DIS3L2: variants seen among roughly 807,000 people sequenced by gnomAD.
DIS3L2 encodes DIS3-like exonuclease 2.
A neutral mutation model predicts 97.5 loss-of-function variants in DIS3L2; 34 were observed. The ratio of observed to expected loss-of-function variants is 0.35; its 90% CI spans 0.27 to 0.46. The LOEUF is 0.46. Among genes scored for constraint, DIS3L2 ranks in the 20% least tolerant of loss-of-function variants. The pLI is 1.00. For missense variants in DIS3L2, 1,038 were observed against 1,146.0 expected (o/e 0.91, Z 1.36); for synonymous variants, 435 against 445.2 (o/e 0.98, Z 0.29).
In DIS3L2 at chr2:232,334,705, C is replaced by T; in HGVS notation, c.2364C>T (p.Arg788=). ...AAGCCTTCGACGTGCTGGTGCTGCG[C>T]TACGGCGTGCAGAAGCGCATCTACT... is the stretch of plus-strand genomic sequence containing the variant. ...LKQAFDVLVL[R]YGVQKRIYCN... The change falls in exon 19 of 21, where the codon CGC becomes CGT. Residue 788 remains arginine, a synonymous_variant. Coordinates refer to ENST00000325385, the MANE Select transcript of DIS3L2 (RefSeq NM_152383.5). 6.2e-7 allele frequency: 1 copy of T among 1,609,628 alleles called. No individual in the cohort carries two copies. The highest frequency in any genetic ancestry group is 8.5e-7 in the Non-Finnish European group (1 of 1,178,360).
chr2:232,336,437 T>C, intron 20 of DIS3L2, 32 bp from the exon 21 acceptor site: 1 of 1,597,954 alleles, frequency 6.3e-7, no homozygotes, highest in Non-Finnish European at 8.5e-7. Flanking sequence ...GGCCCTGCCA[T>C]CCTTGTCCCC....
Position 232,194,992 on chromosome 2 carries a change from T to C in DIS3L2, c.1125-15334T>C, listed in dbSNP as rs1054986640. Among the ~76,000 whole-genome samples the C allele has an allele frequency of 2.0e-5, 3 of 152,164 alleles. No individual in the cohort carries two copies. In the South Asian group the frequency reaches 6.2e-4, roughly 31 times the overall value. Reference sequence around the variant, plus strand: ...GACCTAGAATCTAAGTATTTAATATTAAAATCAGCCAGGAAGTCATTTTCA... The same window carrying C: ...GACCTAGAATCTAAGTATTTAATATCAAAATCAGCCAGGAAGTCATTTTCA... On this transcript the variant is annotated intron_variant, in intron 9 of 20. Transcript: ENST00000325385.
At position 232,334,005 on chromosome 2, in the gene DIS3L2, G is replaced by A. The variant is rs1266101295; in HGVS notation, c.2158+18G>A. 1 of 1,601,170 alleles carries A rather than the reference G, an allele frequency of 6.2e-7. No homozygotes were observed. The highest frequency in any genetic ancestry group is 8.5e-7 in the Non-Finnish European group (1 of 1,174,438). On this transcript the variant is annotated intron_variant, in intron 17 of 20. Transcript: ENST00000325385. ...CGCGTTAGGTGAGGGGTGCAGTCGG[G>A]GTCAGGGCAGACCTGGGCCAGCTCA...
intron 5 of DIS3L2, among the ~76,000 whole-genome samples, chr2:232,056,080 C>CA (rs1018295174): frequency 2.0e-5 from 3 of 152,060 alleles, no homozygotes; most frequent in African/African-American, 7.2e-5. Context: ...AAACAGGACA[C>CA]AAAAAATAGG....
At chr2:232,008,659 C>T (rs930248920) in intron 1 of DIS3L2, among the ~76,000 whole-genome samples, 3 of 152,098 alleles carry the variant, frequency 2.0e-5, no homozygotes, top group Non-Finnish European at 4.4e-5. Flanking sequence ...TGGGTTATGC[C>T]TTTATAATGG....
At chr2:232,170,367 C>T (rs72990498) in intron 9 of DIS3L2, among the ~76,000 whole-genome samples, 2,714 of 152,192 alleles carry the variant, frequency 0.018, 26 homozygotes, top group Non-Finnish European at 0.022. Flanking sequence ...CTAAACCGAT[C>T]TTTATGTTTC....
In DIS3L2 at chr2:232,193,860, G is replaced by A. The variant is rs557033211; in HGVS notation, c.1125-16466G>A. ...AAGATTCAATTCACGGCGAGGCCCAGCAGTTTGGGAGGCCAAGGCAGGCGG... is the reference window on the plus strand; with the variant it reads ...AAGATTCAATTCACGGCGAGGCCCAACAGTTTGGGAGGCCAAGGCAGGCGG... On this transcript the variant is annotated intron_variant, in intron 9 of 20. Coordinates refer to ENST00000325385, the MANE Select transcript of DIS3L2 (RefSeq NM_152383.5). 3.0e-4 allele frequency among the ~76,000 whole-genome samples: 45 copies of A among 152,314 alleles called. 1 individual carries two copies. The South Asian group carries it at 8.5e-3, about 29-fold the overall frequency.
rs371290403 is a variant in DIS3L2, at chr2:232,053,441, T to C, written c.366+23361T>C. On this transcript the variant is annotated intron_variant, in intron 5 of 20. Coordinates refer to ENST00000325385, the MANE Select transcript of DIS3L2 (RefSeq NM_152383.5). The stretch of plus-strand genomic sequence containing the variant: ...ACACCAACCAGTTCTCCTCAGACTC[T>C]AATTGGGTGTCCTACATTTTAACTC... 2.0e-5 allele frequency among the ~76,000 whole-genome samples: 3 copies of C among 152,310 alleles called. No individual in the cohort carries two copies. In the East Asian group the frequency reaches 5.8e-4, roughly 29 times the overall value.
chr2:232,333,926 C>T lies in DIS3L2; in HGVS notation c.2097C>T (p.Phe699=). The T allele has an allele frequency of 6.2e-7, 1 of 1,612,946 alleles. No individual in the cohort carries two copies. The highest frequency in any genetic ancestry group is 8.5e-7 in the Non-Finnish European group (1 of 1,179,934). The part of the protein sequence containing the change: ...YALNVPLYTH[F]TSPIRRFADV... ...TCAATGTGCCCCTGTACACACACTT[C>T]ACCTCGCCCATCCGCCGCTTTGCCG... is the stretch of plus-strand genomic sequence containing the variant. The change falls in exon 17 of 21, where the codon TTC becomes TTT. Residue 699 remains phenylalanine (F), a synonymous_variant. Transcript: ENST00000325385.
intron 6 of DIS3L2, among the ~76,000 whole-genome samples, chr2:232,098,703 T>G (rs528801671): frequency 6.6e-6 from 1 of 152,198 alleles, no homozygotes; most frequent in Non-Finnish European, 1.5e-5. Context: ...ATTGCTTTTT[T>G]AATATCATTT....
chr2:232,211,168 A>G (rs541848123), intron 10 of DIS3L2, among the ~76,000 whole-genome samples: 9 of 139,364 alleles, frequency 6.5e-5, no homozygotes, highest in Admixed American at 6.0e-4. Flanking sequence ...TCTTCTCAAC[A>G]GAGTCCCACT....
At chr2:231,976,827 G>C (rs1314709950) in intron 1 of DIS3L2, among the ~76,000 whole-genome samples, 1 of 147,702 alleles carries the variant, frequency 6.8e-6, no homozygotes, top group Non-Finnish European at 1.5e-5. Flanking sequence ...GAGTACAGTG[G>C]CGCGATCTTG....
intron 5 of DIS3L2, among the ~76,000 whole-genome samples, chr2:232,038,995 C>T (rs1695032896): frequency 6.6e-6 from 1 of 152,208 alleles, no homozygotes; most frequent in Non-Finnish European, 1.5e-5. Flanking sequence ...TGCTGGCTGC[C>T]TCTGAAGCTT....
intron 6 of DIS3L2, among the ~76,000 whole-genome samples, chr2:232,109,415 TG>T (rs2106330756): frequency 6.6e-6 from 1 of 151,948 alleles, no homozygotes; most frequent in South Asian, 2.1e-4. Context: ...CACTCCAGCC[TG>T]GGCGACAGAG....
At chr2:232,133,988 A>T (rs1368019361) in intron 7 of DIS3L2, among the ~76,000 whole-genome samples, 2 of 10,210 alleles carry the variant, frequency 2.0e-4, no homozygotes, top group African/African-American at 7.9e-4. Flanking sequence ...ACTCTGTCTC[A>T]AAAAAAAAAA....
chr2:232,016,264 C>A (rs1325279768), intron 3 of DIS3L2, among the ~76,000 whole-genome samples: 2 of 152,144 alleles, frequency 1.3e-5, no homozygotes. Flanking sequence ...GTTTATGGAG[C>A]ATCCATTGTG....
chr2:232,256,740 T>C (rs1463585262), intron 12 of DIS3L2, among the ~76,000 whole-genome samples: 2 of 152,132 alleles, frequency 1.3e-5, no homozygotes, highest in African/African-American at 4.8e-5. Flanking sequence ...TGCCGCTACT[T>C]AGGAGGCTGA....
At chr2:232,058,324 A>G (rs1049450863) in intron 5 of DIS3L2, among the ~76,000 whole-genome samples, 1 of 152,204 alleles carries the variant, frequency 6.6e-6, no homozygotes, top group Non-Finnish European at 1.5e-5. Context: ...TGACGGCTCT[A>G]ATTCTGTGCC....
chr2:232,320,157 G>A (rs1695387181), intron 14 of DIS3L2, among the ~76,000 whole-genome samples: 1 of 148,052 alleles, frequency 6.8e-6, no homozygotes, highest in South Asian at 2.2e-4. Flanking sequence ...ACATGAAGAT[G>A]TCAGGGAAGC....
Sources: allele counts gnomAD v4.1 joint callset (sites outside exome capture counted in the v4.1 genomes callset), GRCh38; gene constraint gnomAD v4.1.1; transcripts MANE v1.5; gene names NCBI Gene and HGNC (gene_info 2026-07-23, HGNC 2026-07-21).